The following USH2A variants were observed in gnomAD, a reference collection of about 807,000 sequenced individuals.
The protein encoded by USH2A is Usher syndrome 2A (autosomal recessive, mild).
USH2A carries 443 observed loss-of-function variants against 538.9 expected under a neutral mutation model. That is an observed-to-expected ratio of 0.82 (90% CI 0.76 to 0.89). USH2A has a LOEUF of 0.89. Ranked by LOEUF, USH2A falls within the 40% of genes least tolerant of loss-of-function variation. The probability of loss-of-function intolerance (pLI) is 0.00; values close to 1 mark genes in which losing one functional copy is unlikely to be tolerated. For synonymous variants in USH2A, 2,413 were observed against 2,273.5 expected, an observed-to-expected ratio of 1.06 and a Z score of -1.75; for missense variants, 6,633 against 6,324.8, an observed-to-expected ratio of 1.05 and a Z score of -1.65.
chr1:216,375,464 C>T (rs2038799850), intron 3 of USH2A, among the ~76,000 whole-genome samples: 1 of 152,156 alleles, frequency 6.6e-6, no homozygotes, highest in African/African-American at 2.4e-5. Context: ...TCTCTGCTAG[C>T]TTCCAACTTT....
chr1:215,657,601 T>C (rs1430406357), intron 64 of USH2A, among the ~76,000 whole-genome samples: 1 of 152,216 alleles, frequency 6.6e-6, no homozygotes, highest in Non-Finnish European at 1.5e-5. Flanking sequence ...TTTACAGATA[T>C]AGTCCCGTTT....
chr1:216,012,937 C>T (rs1668611902), intron 32 of USH2A, among the ~76,000 whole-genome samples: 1 of 152,126 alleles, frequency 6.6e-6, no homozygotes, highest in African/African-American at 2.4e-5. Flanking sequence ...ATTCACCGTT[C>T]TCAACTACTC....
chr1:216,034,616 T>C (rs1669202883), intron 32 of USH2A, among the ~76,000 whole-genome samples: 1 of 152,054 alleles, frequency 6.6e-6, no homozygotes, highest in Non-Finnish European at 1.5e-5. Context: ...GGGAAAACAC[T>C]ATGTAATGAT....
chr1:215,786,580 G>C, intron 52 of USH2A, 90 bp downstream of exon 52: 1 of 1,378,406 alleles, frequency 7.3e-7, no homozygotes, highest in Non-Finnish European at 1.0e-6. Flanking sequence ...AGTTTAAGGA[G>C]AGTTGATGTC....
In USH2A at chr1:216,231,292, CAGAGAGAG is replaced by C. The variant is rs371376479; in HGVS notation, c.2993+653_2993+660del. Among the ~76,000 whole-genome samples, 7 of 56,718 alleles carry C rather than the reference CAGAGAGAG, an allele frequency of 1.2e-4. 1 individual carries two copies. Among genetic ancestry groups the C allele is most frequent in the Admixed American group, 1.9e-4 (1 of 5,192 alleles). 37.2% of individuals were successfully genotyped at this position (56,718 alleles called of 152,430 possible). On this transcript the variant is annotated intron_variant, in intron 14 of 71. Coordinates refer to ENST00000307340, the MANE Select transcript of USH2A (RefSeq NM_206933.4). ...TATATAATATATATACACAGAGAGA[CAGAGAGAG>C]AGAGAGAGAGAGAGAGAAAGTATGA...
Position 216,242,916 on chromosome 1 carries a change from AC to A in USH2A, c.2809+3668del, listed in dbSNP as rs367572205. ...ATCAAAATTTAAGCTCACTGAAAGT[AC>A]CGTTTGCTACTACACATAAAATGTT... is the stretch of plus-strand genomic sequence containing the variant. On this transcript the variant is annotated intron_variant, in intron 13 of 71. Coordinates refer to ENST00000307340, the MANE Select transcript of USH2A (RefSeq NM_206933.4). 7.0e-3 allele frequency among the ~76,000 whole-genome samples: 1,067 copies of A among 152,336 alleles called. 15 individuals carry two copies. Among genetic ancestry groups the A allele is most frequent in the African/African-American group, 0.025 (1,039 of 41,570 alleles).
intron 53 of USH2A, 143 bp from the exon 54 acceptor site, chr1:215,782,339 G>T: frequency 2.3e-6 from 2 of 883,420 alleles, no homozygotes; most frequent in Admixed American, 2.2e-5. Flanking sequence ...GCTGTCTCAA[G>T]CAGTTCCTAA....
chr1:215,794,513 G>C (rs1299629026), intron 50 of USH2A, among the ~76,000 whole-genome samples: 1 of 152,094 alleles, frequency 6.6e-6, no homozygotes, highest in African/African-American at 2.4e-5. Context: ...AGGTCATTAA[G>C]GTCACAGTCA....
At chr1:216,418,772 C>T (rs376242367) in intron 2 of USH2A, 93 bp from the exon 3 acceptor site, 41 of 1,423,428 alleles carry the variant, frequency 2.9e-5, no homozygotes, top group Non-Finnish European at 3.9e-5. Context: ...TTAAAATGAC[C>T]TCAAACTTTG....
intron 60 of USH2A, among the ~76,000 whole-genome samples, chr1:215,739,269 T>C (rs934089028): frequency 1.3e-5 from 2 of 152,216 alleles, no homozygotes; most frequent in Non-Finnish European, 2.9e-5. Context: ...TTCTGTTTCA[T>C]ATTACTCTTT....
chr1:215,961,375 C>T (rs1254868951), intron 37 of USH2A, among the ~76,000 whole-genome samples: 5 of 151,132 alleles, frequency 3.3e-5, no homozygotes, highest in Admixed American at 2.6e-4. Flanking sequence ...TGAGCTCTTG[C>T]GAGAGACACA....
chr1:216,111,216 G>A (rs1452887981), intron 21 of USH2A, among the ~76,000 whole-genome samples: 1 of 152,166 alleles, frequency 6.6e-6, no homozygotes, highest in African/African-American at 2.4e-5. Flanking sequence ...GGGTGACTGA[G>A]TGAGACTCCA....
chr1:215,940,281 C>A (rs1179952962), intron 37 of USH2A, among the ~76,000 whole-genome samples: 1 of 152,072 alleles, frequency 6.6e-6, no homozygotes. Flanking sequence ...AGTTCCATCT[C>A]ACTATCACGA....
intron 44 of USH2A, among the ~76,000 whole-genome samples, chr1:215,859,274 C>A (rs1664254717): frequency 6.6e-6 from 1 of 152,068 alleles, no homozygotes; most frequent in African/African-American, 2.4e-5. Flanking sequence ...GTGGCTCTAG[C>A]CTGTAATCCC....
chr1:216,399,737 G>C (rs1282699335), intron 3 of USH2A, among the ~76,000 whole-genome samples: 2 of 152,032 alleles, frequency 1.3e-5, no homozygotes, highest in Non-Finnish European at 1.5e-5. Context: ...CACCATGAGG[G>C]GCAACAAGGC....
In USH2A at chr1:216,156,295, C is replaced by CTTTTTTTTTTTTTTTTTTT. The variant is rs35698520; in HGVS notation, c.4627+18956_4627+18957insAAAAAAAAAAAAAAAAAAA. Among the ~76,000 whole-genome samples, 209 of 105,460 alleles carry CTTTTTTTTTTTTTTTTTTT rather than the reference C, an allele frequency of 2.0e-3. 2 individuals carry two copies. The highest frequency in any genetic ancestry group is 2.4e-3 in the East Asian group (9 of 3,764). The allele number at this position is 105,460 out of a possible 152,430, so 69.2% of individuals were successfully genotyped here. ...TTCTTTCTTTCTTTCTTTTTTTTTT[C>CTTTTTTTTTTTTTTTTTTT]TTTTTTTTTTTTTTTTTGGCCTAGC... is the stretch of plus-strand genomic sequence containing the variant. On this transcript the variant is annotated intron_variant, in intron 21 of 71. Coordinates refer to ENST00000307340, the MANE Select transcript of USH2A (RefSeq NM_206933.4).
chr1:215,902,500 C>T (rs916042669), intron 38 of USH2A, among the ~76,000 whole-genome samples: 2 of 152,140 alleles, frequency 1.3e-5, no homozygotes, highest in African/African-American at 4.8e-5. Flanking sequence ...ACTCCTGCCC[C>T]TAGGTAGCTT....
chr1:215,659,323 G>A (rs141502554), intron 64 of USH2A, among the ~76,000 whole-genome samples: 20 of 152,304 alleles, frequency 1.3e-4, no homozygotes, highest in African/African-American at 4.1e-4. Context: ...CTTAAGGCTA[G>A]ATCCTCAAGA....
intron 27 of USH2A, 89 bp downstream of exon 27, chr1:216,078,000 T>A: frequency 6.6e-7 from 1 of 1,523,046 alleles, no homozygotes; most frequent in Non-Finnish European, 9.1e-7. Context: ...TTAGCCTGAG[T>A]CTATTGCTAT....
Sources: gnomAD v4.1 joint callset for allele counts (sites outside exome capture counted in the v4.1 genomes callset) on GRCh38, gnomAD v4.1.1 for gene constraint, MANE v1.5 for transcripts, NCBI Gene and HGNC (gene_info 2026-07-23, HGNC 2026-07-21) for gene names.